Variants in SLC14A2 observed in about 807,000 individuals in gnomAD.
The protein encoded by SLC14A2 is urea transporter 2.
Under a neutral mutation model 104.6 loss-of-function variants are expected in SLC14A2, and 91 were observed. The ratio of observed to expected loss-of-function variants is 0.87; its 90% CI spans 0.73 to 1.04. SLC14A2 has a LOEUF of 1.04. SLC14A2 is among the 50% of genes least tolerant of loss of function. SLC14A2 has a pLI of 0.00. For synonymous variants in SLC14A2, 476 were observed against 466.4 expected (o/e 1.02, Z -0.27); for missense variants, 1,189 against 1,156.0 (o/e 1.03, Z -0.41).
At chr18:45,553,624 A>G (rs868411) in intron 2 of SLC14A2, among the ~76,000 whole-genome samples, 86,398 of 152,064 alleles carry the variant, frequency 0.57, 27,258 homozygotes, top group African/African-American at 0.87. Flanking sequence ...AAAGGGGAGA[A>G]GGGCAAGAAC....
At chr18:45,243,954 CG>C (rs1198383588) in intron 1 of SLC14A2, among the ~76,000 whole-genome samples, 1 of 152,026 alleles carries the variant, frequency 6.6e-6, no homozygotes, top group African/African-American at 2.4e-5. Flanking sequence ...TTATGGTATT[CG>C]GGGTAGATTA....
intron 1 of SLC14A2, among the ~76,000 whole-genome samples, chr18:45,237,208 TTC>T (rs1046284016): frequency 7.2e-5 from 11 of 152,152 alleles, no homozygotes; most frequent in African/African-American, 2.7e-4. Context: ...GGGCCCCAAA[TTC>T]TCTCTCTTCT....
intron 1 of SLC14A2, among the ~76,000 whole-genome samples, chr18:45,228,279 G>A (rs998962747): frequency 1.7e-4 from 26 of 152,178 alleles, no homozygotes; most frequent in African/African-American, 6.0e-4. Context: ...CTGTGACAGT[G>A]GTTCTAGAAG....
chr18:45,582,398 G>C (rs529631261), intron 2 of SLC14A2, among the ~76,000 whole-genome samples: 1 of 152,126 alleles, frequency 6.6e-6, no homozygotes, highest in Non-Finnish European at 1.5e-5. Flanking sequence ...AGACATACCA[G>C]AGCAGGTGGT....
At chr18:45,554,291 T>C (rs2044098307) in intron 2 of SLC14A2, among the ~76,000 whole-genome samples, 1 of 151,612 alleles carries the variant, frequency 6.6e-6, no homozygotes, top group Non-Finnish European at 1.5e-5. Flanking sequence ...GGAAAGGGAG[T>C]TGGGGGGAAG....
chr18:45,472,999 T>C (rs2087281142), intron 1 of SLC14A2, among the ~76,000 whole-genome samples: 1 of 152,226 alleles, frequency 6.6e-6, no homozygotes, highest in South Asian at 2.1e-4. Flanking sequence ...CTAGGGTTTC[T>C]GTGGTTTTAG....
chr18:45,572,778 C>A (rs1409267550), intron 2 of SLC14A2, among the ~76,000 whole-genome samples: 1 of 152,194 alleles, frequency 6.6e-6, no homozygotes, highest in Admixed American at 6.5e-5. Flanking sequence ...GCATTCCCCA[C>A]TGGGCTGTAA....
chr18:45,674,201 T>A (rs2046189421), intron 18 of SLC14A2, among the ~76,000 whole-genome samples: 1 of 152,246 alleles, frequency 6.6e-6, no homozygotes, highest in African/African-American at 2.4e-5. Context: ...AGATCGACTG[T>A]AACAAGTTGG....
the SLC14A2 span, among the ~76,000 whole-genome samples, chr18:45,180,356 A>G: frequency 1.3e-5 from 2 of 152,158 alleles, no homozygotes; most frequent in African/African-American, 4.8e-5. Flanking sequence ...TATTATTCTA[A>G]TGTACTTAAA....
chr18:45,459,007 A>G (rs1366796506), intron 1 of SLC14A2, among the ~76,000 whole-genome samples: 1 of 152,212 alleles, frequency 6.6e-6, no homozygotes, highest in Non-Finnish European at 1.5e-5. Flanking sequence ...AAGTCCTGAG[A>G]TGGAGGGACA....
At chr18:45,618,038 A>T (rs1339620007) in intron 1 of SLC14A2, among the ~76,000 whole-genome samples, 1 of 152,188 alleles carries the variant, frequency 6.6e-6, no homozygotes, top group African/African-American at 2.4e-5. Flanking sequence ...AACTGGAAAC[A>T]GCAAAGAGAA....
chr18:45,331,428 A>T (rs1160811968), intron 1 of SLC14A2, among the ~76,000 whole-genome samples: 1 of 152,168 alleles, frequency 6.6e-6, no homozygotes, highest in African/African-American at 2.4e-5. Flanking sequence ...GTGGTGGCTC[A>T]CGCCTGTAAT....
chr18:45,214,792 C>T (rs1003896608), intron 1 of SLC14A2, among the ~76,000 whole-genome samples: 1 of 150,996 alleles, frequency 6.6e-6, no homozygotes, highest in African/African-American at 2.4e-5. Context: ...TCATTAACAA[C>T]AAACATTTAT....
chr18:45,514,279 C>A (rs114939608), intron 2 of SLC14A2, among the ~76,000 whole-genome samples: 3,166 of 152,282 alleles, frequency 0.021, 118 homozygotes, highest in African/African-American at 0.072. Context: ...GCAGGCACAT[C>A]TTCACATGAC....
chr18:45,615,927 C>T (rs921257846), intron 1 of SLC14A2, among the ~76,000 whole-genome samples: 4 of 151,980 alleles, frequency 2.6e-5, no homozygotes, highest in African/African-American at 7.3e-5. Flanking sequence ...TCACCATGCT[C>T]CTAAGAGGCC....
intron 1 of SLC14A2, among the ~76,000 whole-genome samples, chr18:45,243,697 C>T (rs779880520): frequency 2.6e-4 from 40 of 152,270 alleles, no homozygotes; most frequent in Middle Eastern, 3.4e-3. Flanking sequence ...AGCACAGACC[C>T]ACTGGAAATC....
At chr18:45,390,434 G>C (rs1408349117) in intron 1 of SLC14A2, among the ~76,000 whole-genome samples, 1 of 152,146 alleles carries the variant, frequency 6.6e-6, no homozygotes, top group Non-Finnish European at 1.5e-5. Flanking sequence ...CCACTGTGCT[G>C]TTTACCAGTG....
chr18:45,421,019 A>G (rs1395220242), intron 1 of SLC14A2, among the ~76,000 whole-genome samples: 5 of 152,112 alleles, frequency 3.3e-5, no homozygotes, highest in Admixed American at 3.3e-4. Context: ...GATTACAGAC[A>G]TGAGCCACCG....
chr18:45,500,725 T>G (rs1483236142), intron 2 of SLC14A2, among the ~76,000 whole-genome samples: 1 of 152,166 alleles, frequency 6.6e-6, no homozygotes, highest in Non-Finnish European at 1.5e-5. Context: ...TTTACTTCAC[T>G]GCACCCAGCC....
Sources: allele counts gnomAD v4.1 joint callset (sites outside exome capture counted in the v4.1 genomes callset), GRCh38; gene constraint gnomAD v4.1.1; transcripts MANE v1.5; gene names NCBI Gene and HGNC (gene_info 2026-07-23, HGNC 2026-07-21).